The following RRBP1 variants were observed in gnomAD, a reference collection of about 807,000 sequenced individuals.
RRBP1 encodes ribosome binding protein 1.
Under a neutral mutation model 165.2 loss-of-function variants are expected in RRBP1, and 94 were observed. The ratio of observed to expected loss-of-function variants is 0.57; its 90% CI spans 0.48 to 0.68. The LOEUF (loss-of-function observed/expected upper bound fraction) is 0.68, where lower values mean the gene tolerates loss of function less well. Ranked by LOEUF, RRBP1 falls within the 30% of genes least tolerant of loss-of-function variation. The pLI, the probability that RRBP1 is intolerant of heterozygous loss-of-function variation, is 0.00. For missense variants in RRBP1, 1,676 were observed against 1,763.0 expected (o/e 0.95, Z 0.88); for synonymous variants, 680 against 714.5 (o/e 0.95, Z 0.77).
At chr20:17,620,561 C>T (rs1019836610) in intron 17 of RRBP1, 154 bp downstream of exon 17, 1 of 795,248 alleles carries the variant, frequency 1.3e-6, no homozygotes, top group Admixed American at 2.0e-5. Context: ...GGAGGACGGA[C>T]TGAGCTGTCA....
intron 2 of RRBP1, among the ~76,000 whole-genome samples, chr20:17,677,764 G>C (rs773222096): frequency 6.6e-6 from 1 of 152,080 alleles, no homozygotes; most frequent in Non-Finnish European, 1.5e-5. Flanking sequence ...ACTTGAACCC[G>C]GGAGGTAGAA....
At chr20:17,666,002 G>C (rs1410559139) in intron 2 of RRBP1, among the ~76,000 whole-genome samples, 2 of 152,100 alleles carry the variant, frequency 1.3e-5, no homozygotes, top group East Asian at 3.9e-4. Flanking sequence ...CAGTGGATCT[G>C]TTTCTAGATT....
intron 2 of RRBP1, among the ~76,000 whole-genome samples, chr20:17,663,960 C>T (rs2036818496): frequency 6.6e-6 from 1 of 152,216 alleles, no homozygotes; most frequent in Admixed American, 6.5e-5. Context: ...CCCTTATCCT[C>T]TGGGAAACTT....
chr20:17,655,497 T>G (rs1371448921), intron 3 of RRBP1, among the ~76,000 whole-genome samples: 1 of 152,224 alleles, frequency 6.6e-6, no homozygotes, highest in African/African-American at 2.4e-5. Flanking sequence ...AAAGTCACAT[T>G]GTGACCACGT....
chr20:17,618,870 A>G (rs1450525537), intron 19 of RRBP1, 191 bp from the exon 20 acceptor site: 2 of 598,288 alleles, frequency 3.3e-6, no homozygotes, highest in Non-Finnish European at 6.0e-6. Context: ...TTGAGGACTT[A>G]GGAAGAATGG....
chr20:17,673,137 T>C (rs2037011180), intron 2 of RRBP1, among the ~76,000 whole-genome samples: 1 of 152,236 alleles, frequency 6.6e-6, no homozygotes, highest in Non-Finnish European at 1.5e-5. Flanking sequence ...ATAAAGAGTT[T>C]AAAATGTGTG....
At chr20:17,680,288 G>C (rs550421559) in intron 1 of RRBP1, among the ~76,000 whole-genome samples, 3 of 152,312 alleles carry the variant, frequency 2.0e-5, no homozygotes, top group African/African-American at 7.2e-5. Flanking sequence ...GGTAACATTC[G>C]CAGTTGTTCT....
chr20:17,618,299 C>T (rs1292150576), intron 20 of RRBP1, among the ~76,000 whole-genome samples: 1 of 152,290 alleles, frequency 6.6e-6, no homozygotes, highest in East Asian at 1.9e-4. Flanking sequence ...CTACAATGGG[C>T]TCACAGGGAA....
chr20:17,656,543 C>T (rs559027102), intron 3 of RRBP1, among the ~76,000 whole-genome samples: 1 of 152,210 alleles, frequency 6.6e-6, no homozygotes, highest in Non-Finnish European at 1.5e-5. Context: ...CTGAACGTTT[C>T]CTTCCCTACT....
rs149719030 is a variant in RRBP1 at position 17,621,690 on chromosome 20, C to T, written c.3324G>A (p.Ser1108=). Residue 1108 remains serine, a splice_region_variant and synonymous_variant, in exon 15 of 25, where the codon TCG becomes TCA. Coordinates refer to ENST00000377813, the MANE Select transcript of RRBP1 (RefSeq NM_001365613.2). ...AGCCTTGCCAGGCAGCCACACTTACCGAGGAGGGCTCCGCGGGAGCTGGCG... is the reference window on the plus strand; with the variant it reads ...AGCCTTGCCAGGCAGCCACACTTACTGAGGAGGGCTCCGCGGGAGCTGGCG... ...KHPPAPAEPS[S]DLASKLREAE... 8.7e-5 allele frequency: 141 copies of T among 1,613,434 alleles called. No individual in the cohort carries two copies. In the African/African-American group the frequency reaches 1.4e-3, roughly 16 times the overall value.
intron 5 of RRBP1, 78 bp from the exon 6 acceptor site, chr20:17,636,807 C>T: frequency 6.4e-7 from 1 of 1,566,876 alleles, no homozygotes; most frequent in Non-Finnish European, 8.7e-7. Context: ...AAGAGCATCA[C>T]CCGAGCTGGG....
At chr20:17,625,667 TGA>T in intron 11 of RRBP1, 65 bp from the exon 12 acceptor site, 1 of 1,333,562 alleles carries the variant, frequency 7.5e-7, no homozygotes, top group Non-Finnish European at 1.1e-6. Flanking sequence ...AGATCCCACC[TGA>T]GGCCCCATCC....
rs139218527 is a variant in RRBP1 at position 17,655,137 on chromosome 20, G to C, written c.1912+3459C>G. Among the ~76,000 whole-genome samples, 262 of 152,240 alleles carry C rather than the reference G, an allele frequency of 1.7e-3. 5 individuals carry two copies. The East Asian group carries it at 0.045, about 26-fold the overall frequency. ...AAGGGCGTTCCCAGCTCCAGGGGGCGCTGTCACAAACACAAGATCTAGGGT... is the reference window on the plus strand; with the variant it reads ...AAGGGCGTTCCCAGCTCCAGGGGGCCCTGTCACAAACACAAGATCTAGGGT... On this transcript the variant is annotated intron_variant, in intron 3 of 24. Coordinates refer to ENST00000377813, the MANE Select transcript of RRBP1 (RefSeq NM_001365613.2).
At position 17,675,318 on chromosome 20, in the gene RRBP1, G is replaced by A. The variant is rs149272343; in HGVS notation, c.-22+4681C>T. Among the ~76,000 whole-genome samples, 519 of 152,344 alleles carry A rather than the reference G, an allele frequency of 3.4e-3. 1 individual carries two copies. The highest frequency in any genetic ancestry group is 0.012 in the African/African-American group (495 of 41,566). ...GAATCCAGACTCCTTCAGGCTACAT[G>A]ATATACTCGCAGAACGCCAGTGCTA... On this transcript the variant is annotated intron_variant, in intron 2 of 24. Coordinates refer to ENST00000377813, the MANE Select transcript of RRBP1 (RefSeq NM_001365613.2).
intron 20 of RRBP1, among the ~76,000 whole-genome samples, chr20:17,618,091 G>A (rs962317961): frequency 3.9e-5 from 6 of 152,212 alleles, no homozygotes; most frequent in South Asian, 2.1e-4. Context: ...GTATGGGGCC[G>A]GGCGTGGAGC....
chr20:17,629,776 C>A (rs769574851), intron 9 of RRBP1, 47 bp downstream of exon 9: 157 of 1,562,654 alleles, frequency 1.0e-4, no homozygotes, highest in Non-Finnish European at 1.2e-4. Context: ...GGCATGCAGA[C>A]CCAGCACCCT....
chr20:17,680,589 G>A (rs940885669), intron 1 of RRBP1, among the ~76,000 whole-genome samples: 2 of 152,012 alleles, frequency 1.3e-5, no homozygotes, highest in African/African-American at 4.8e-5. Context: ...CAAGGTCCCA[G>A]CACTTCCCGG....
intron 2 of RRBP1, among the ~76,000 whole-genome samples, chr20:17,664,013 C>T (rs1284353797): frequency 6.6e-6 from 1 of 152,208 alleles, no homozygotes. Flanking sequence ...AATACTGAAT[C>T]CTATATACAC....
At chr20:17,649,586 T>G in intron 3 of RRBP1, among the ~76,000 whole-genome samples, 1 of 7,940 alleles carries the variant, frequency 1.3e-4, no homozygotes, top group Admixed American at 1.8e-3. Flanking sequence ...AGGACAGGCG[T>G]GGGTGGGTGG....
Sources: allele counts gnomAD v4.1 joint callset (sites outside exome capture counted in the v4.1 genomes callset), GRCh38; gene constraint gnomAD v4.1.1; transcripts MANE v1.5; gene names NCBI Gene and HGNC (gene_info 2026-07-23, HGNC 2026-07-21).